CCSER1: variants seen among roughly 807,000 people sequenced by gnomAD.
CCSER1 encodes the protein serine-rich coiled-coil domain-containing protein 1.
CCSER1 carries 41 observed loss-of-function variants against 82.0 expected under a neutral mutation model. The observed-to-expected ratio is 0.50, with a 90% CI of 0.39 to 0.65. The LOEUF is 0.65. CCSER1 is among the 30% of genes least tolerant of loss of function. The pLI, the probability that CCSER1 is intolerant of heterozygous loss-of-function variation, is 0.00. For missense variants in CCSER1, 1,119 were observed against 1,064.2 expected (o/e 1.05, Z -0.72); for synonymous variants, 414 against 383.9 (o/e 1.08, Z -0.92).
intron 10 of CCSER1, among the ~76,000 whole-genome samples, chr4:91,432,215 G>T (rs990515207): frequency 6.6e-6 from 1 of 152,160 alleles, no homozygotes; most frequent in East Asian, 1.9e-4. Flanking sequence ...GTGTGGAACT[G>T]TGAGTCAATT....
intron 8 of CCSER1, among the ~76,000 whole-genome samples, chr4:90,921,597 A>G (rs1475332197): frequency 6.6e-6 from 1 of 151,974 alleles, no homozygotes; most frequent in Non-Finnish European, 1.5e-5. Flanking sequence ...TGAATTTTCT[A>G]AGTCTTATAA....
intron 6 of CCSER1, among the ~76,000 whole-genome samples, chr4:90,647,205 TCAA>T (rs1179304038): frequency 6.6e-6 from 1 of 152,216 alleles, no homozygotes; most frequent in Non-Finnish European, 1.5e-5. Context: ...TTTCTGATTA[TCAA>T]CTTTTGTGAG....
chr4:91,394,853 T>G (rs17018437), intron 10 of CCSER1, among the ~76,000 whole-genome samples: 1 of 138,302 alleles, frequency 7.2e-6, no homozygotes, highest in East Asian at 2.0e-4. Context: ...TATCCCACTG[T>G]TTTTTTTTTG....
chr4:91,143,452 T>C (rs1343148160), intron 10 of CCSER1, among the ~76,000 whole-genome samples: 1 of 152,154 alleles, frequency 6.6e-6, no homozygotes, highest in East Asian at 1.9e-4. Context: ...CTTCTTTTTC[T>C]ATTTGTATGC....
intron 9 of CCSER1, among the ~76,000 whole-genome samples, chr4:91,028,024 T>A (rs965552064): frequency 1.3e-5 from 2 of 152,112 alleles, no homozygotes; most frequent in Middle Eastern, 3.4e-3. Flanking sequence ...GAAACTACAA[T>A]ATGTATAAAT....
At chr4:90,213,141 T>C (rs939263281) in intron 1 of CCSER1, among the ~76,000 whole-genome samples, 2 of 152,102 alleles carry the variant, frequency 1.3e-5, no homozygotes, top group Non-Finnish European at 2.9e-5. Flanking sequence ...AATACCCTGA[T>C]AGCAGGGTAA....
intron 7 of CCSER1, among the ~76,000 whole-genome samples, chr4:90,727,637 C>A (rs1014480751): frequency 1.3e-5 from 2 of 152,176 alleles, no homozygotes; most frequent in Non-Finnish European, 2.9e-5. Flanking sequence ...AGTAGGATGA[C>A]CCTTTCAATG....
intron 1 of CCSER1, among the ~76,000 whole-genome samples, chr4:90,193,237 CAG>C (rs1024326261): frequency 3.3e-5 from 5 of 152,098 alleles, no homozygotes; most frequent in Non-Finnish European, 5.9e-5. Context: ...ACCCTGGAGG[CAG>C]GAACCACTTT....
intron 9 of CCSER1, among the ~76,000 whole-genome samples, chr4:90,948,385 T>A (rs888139979): frequency 6.6e-6 from 1 of 151,860 alleles, no homozygotes; most frequent in African/African-American, 2.4e-5. Flanking sequence ...AAAATAATTA[T>A]TGAAGCTGGA....
chr4:91,160,660 G>T (rs184960917), intron 10 of CCSER1, among the ~76,000 whole-genome samples: 221 of 152,228 alleles, frequency 1.5e-3, no homozygotes, highest in African/African-American at 5.2e-3. Flanking sequence ...TGATGAGCAT[G>T]TTTTCATATG....
At chr4:91,165,536 G>T (rs965279845) in intron 10 of CCSER1, among the ~76,000 whole-genome samples, 1 of 152,224 alleles carries the variant, frequency 6.6e-6, no homozygotes, top group Non-Finnish European at 1.5e-5. Context: ...GCTCCCAGTG[G>T]TGGGGTCTAC....
chr4:90,289,843 A>G (rs945701235), intron 1 of CCSER1, among the ~76,000 whole-genome samples: 1 of 151,758 alleles, frequency 6.6e-6, no homozygotes, highest in Non-Finnish European at 1.5e-5. Flanking sequence ...TAGTCCTTAT[A>G]ATAGTTAAAT....
At chr4:90,265,234 TTGAA>T (rs1361247903) in intron 1 of CCSER1, among the ~76,000 whole-genome samples, 19 of 151,944 alleles carry the variant, frequency 1.3e-4, no homozygotes, top group Non-Finnish European at 2.5e-4. Flanking sequence ...ACTTTTTCTT[TTGAA>T]TGGAATTCAG....
intron 10 of CCSER1, among the ~76,000 whole-genome samples, chr4:91,151,769 T>C (rs1730230763): frequency 6.6e-6 from 1 of 152,352 alleles, no homozygotes; most frequent in Non-Finnish European, 1.5e-5. Flanking sequence ...TCAGTTTCCA[T>C]GTAGTTGAGG....
At chr4:90,692,423 A>G (rs895358243) in intron 6 of CCSER1, among the ~76,000 whole-genome samples, 1 of 151,894 alleles carries the variant, frequency 6.6e-6, no homozygotes, top group Admixed American at 6.6e-5. Flanking sequence ...TTGTTGCATT[A>G]TAATTAGAAA....
intron 10 of CCSER1, among the ~76,000 whole-genome samples, chr4:91,239,344 G>A (rs1315460865): frequency 3.7e-5 from 1 of 27,094 alleles, no homozygotes; most frequent in African/African-American, 1.6e-4. Flanking sequence ...GACCGTTGAC[G>A]ACTATTACCT....
intron 1 of CCSER1, among the ~76,000 whole-genome samples, chr4:90,239,993 C>T (rs1746543807): frequency 6.6e-6 from 1 of 151,998 alleles, no homozygotes; most frequent in Admixed American, 6.6e-5. Flanking sequence ...ATAGAGAAAC[C>T]TAAGTGGTAC....
intron 7 of CCSER1, among the ~76,000 whole-genome samples, chr4:90,798,943 T>A (rs905331123): frequency 2.0e-5 from 3 of 152,174 alleles, no homozygotes; most frequent in Admixed American, 6.5e-5. Context: ...AGCCAAAGCA[T>A]TTTTTAGTGC....
chr4:91,078,883 A>AAAC (rs1722346125), intron 9 of CCSER1, among the ~76,000 whole-genome samples: 1 of 151,864 alleles, frequency 6.6e-6, no homozygotes, highest in Non-Finnish European at 1.5e-5. Flanking sequence ...TTTAGAGAAA[A>AAAC]AGTAAAAAGA....
Sources: allele counts gnomAD v4.1 joint callset (sites outside exome capture counted in the v4.1 genomes callset), GRCh38; gene constraint gnomAD v4.1.1; transcripts MANE v1.5; gene names NCBI Gene and HGNC (gene_info 2026-07-23, HGNC 2026-07-21).